The following FRAS1 variants were observed in gnomAD, a reference collection of about 807,000 sequenced individuals.
FRAS1 encodes extracellular matrix organizing protein FRAS1.
Under a neutral mutation model 435.2 loss-of-function variants are expected in FRAS1, and 290 were observed. The observed-to-expected ratio is 0.67, with a 90% CI of 0.61 to 0.73. FRAS1 has a LOEUF of 0.73. Among genes scored for constraint, FRAS1 ranks in the 30% least tolerant of loss-of-function variants. The pLI, the probability that FRAS1 is intolerant of heterozygous loss-of-function variation, is 0.00. For synonymous variants in FRAS1, 1,800 were observed against 1,851.0 expected (o/e 0.97, Z 0.71); for missense variants, 4,860 against 5,001.5 (o/e 0.97, Z 0.85).
chr4:78,510,050 A>C (rs746185791), intron 63 of FRAS1, among the ~76,000 whole-genome samples: 3 of 152,202 alleles, frequency 2.0e-5, no homozygotes, highest in Non-Finnish European at 4.4e-5. Context: ...GCTTATTCAG[A>C]AAGGCCTGAA....
At chr4:78,495,255 T>A (rs1486089634) in intron 59 of FRAS1, among the ~76,000 whole-genome samples, 2 of 150,368 alleles carry the variant, frequency 1.3e-5, no homozygotes, top group Non-Finnish European at 3.0e-5. Context: ...TAATAACATC[T>A]TTTCTTTTTC....
intron 64 of FRAS1, among the ~76,000 whole-genome samples, chr4:78,511,722 T>G (rs11729705): frequency 0.14 from 21,953 of 152,194 alleles, 1,901 homozygotes; most frequent in Non-Finnish European, 0.21. Flanking sequence ...TCACCGGCCA[T>G]TCCAACCACA....
intron 37 of FRAS1, among the ~76,000 whole-genome samples, 179 bp from the exon 38 acceptor site, chr4:78,432,178 T>C (rs1734241520): frequency 6.6e-6 from 1 of 152,186 alleles, no homozygotes; most frequent in South Asian, 2.1e-4. Flanking sequence ...AGAAACTAAT[T>C]ACCCTTTTTC....
intron 2 of FRAS1, among the ~76,000 whole-genome samples, chr4:78,222,663 C>T (rs1041523590): frequency 7.9e-5 from 12 of 152,122 alleles, no homozygotes; most frequent in Non-Finnish European, 1.6e-4. Flanking sequence ...CCATTTAAAC[C>T]ATCCATCCCA....
intron 53 of FRAS1, among the ~76,000 whole-genome samples, chr4:78,473,865 A>C (rs1719785663): frequency 6.6e-6 from 1 of 152,200 alleles, no homozygotes; most frequent in South Asian, 2.1e-4. Flanking sequence ...AAAGTAATAG[A>C]GACAGAAACT....
chr4:78,408,866 G>C lies in FRAS1; in HGVS notation c.4308+1025G>C, dbSNP rs535147906. On this transcript the variant is annotated intron_variant, in intron 31 of 73. Coordinates refer to ENST00000512123, the MANE Select transcript of FRAS1 (RefSeq NM_025074.7). ...AGGCTGGGCATAGTGGCTCACACTT[G>C]TAATCTCAACACCTCGGGAGGCCAA... Among the ~76,000 whole-genome samples, 23 of 152,210 alleles carry C rather than the reference G, an allele frequency of 1.5e-4. No individual in the cohort carries two copies. The East Asian group carries it at 4.2e-3, about 28-fold the overall frequency.
At chr4:78,135,139 A>G (rs950439461) in intron 2 of FRAS1, among the ~76,000 whole-genome samples, 1 of 152,212 alleles carries the variant, frequency 6.6e-6, no homozygotes, top group East Asian at 1.9e-4. Context: ...TTCCCCCTGC[A>G]CTTGCAAATT....
rs887460315 is a variant in FRAS1 at position 78,445,451 on chromosome 4, G to C, written c.5666-71G>C. The C allele has an allele frequency of 4.9e-6, 7 of 1,435,498 alleles. No individual in the cohort carries two copies. The African/African-American group carries it at 7.2e-5, about 15-fold the overall frequency. 88.9% of individuals were successfully genotyped at this position (1,435,498 alleles called of 1,614,324 possible). A position where few individuals can be genotyped will look rare whatever the true frequency, so the allele number is the denominator to read the frequency against. ...TTTTTTTTGCCGAAAATGATACCTT[G>C]TTTTCTAGTTCAGCCTAGTAAGCAG... is the stretch of plus-strand genomic sequence containing the variant. On this transcript the variant is annotated intron_variant, in intron 41 of 73. Coordinates refer to ENST00000512123, the MANE Select transcript of FRAS1 (RefSeq NM_025074.7).
chr4:78,264,793 T>C (rs557239822), intron 6 of FRAS1: 9 of 593,440 alleles, frequency 1.5e-5, no homozygotes, highest in South Asian at 1.2e-4. Context: ...TTTTCTTTGT[T>C]TTTAAAATAA....
intron 22 of FRAS1, among the ~76,000 whole-genome samples, chr4:78,368,487 A>G (rs1242813901): frequency 6.8e-6 from 1 of 146,056 alleles, no homozygotes; most frequent in African/African-American, 2.7e-5. Context: ...GTGCTTGTAT[A>G]TACCTTATGC....
At chr4:78,169,134 T>G (rs1721452327) in intron 2 of FRAS1, among the ~76,000 whole-genome samples, 1 of 152,112 alleles carries the variant, frequency 6.6e-6, no homozygotes, top group African/African-American at 2.4e-5. Context: ...TACAATTGAC[T>G]TGAGCCATTC....
chr4:78,143,128 TAAGTA>T (rs1215554239), intron 2 of FRAS1, among the ~76,000 whole-genome samples: 1 of 151,928 alleles, frequency 6.6e-6, no homozygotes, highest in Non-Finnish European at 1.5e-5. Flanking sequence ...ATATTAAAAA[TAAGTA>T]TTCAGAAATG....
At chr4:78,152,036 G>A (rs890582512) in intron 2 of FRAS1, among the ~76,000 whole-genome samples, 11 of 152,176 alleles carry the variant, frequency 7.2e-5, no homozygotes, top group Non-Finnish European at 1.3e-4. Context: ...GTCAACTACT[G>A]TTCTGAACCA....
intron 62 of FRAS1, 89 bp from the exon 63 acceptor site, chr4:78,508,642 A>T (rs1474143502): frequency 3.0e-6 from 4 of 1,354,452 alleles, no homozygotes; most frequent in Admixed American, 2.3e-5. Context: ...AGACACTAAG[A>T]GATCTTGTGG....
At chr4:78,117,056 T>G (rs983458675) in intron 2 of FRAS1, among the ~76,000 whole-genome samples, 1 of 152,214 alleles carries the variant, frequency 6.6e-6, no homozygotes, top group African/African-American at 2.4e-5. Flanking sequence ...CATTTGTTTG[T>G]CTCTAAAGGA....
At chr4:78,209,254 A>G (rs945191269) in intron 2 of FRAS1, among the ~76,000 whole-genome samples, 7 of 152,166 alleles carry the variant, frequency 4.6e-5, no homozygotes, top group African/African-American at 1.4e-4. Context: ...CCCATTATAT[A>G]TGTACGTCCA....
At chr4:78,072,116 T>G (rs542371293) in intron 2 of FRAS1, 2 of 152,188 alleles carry the variant, frequency 1.3e-5, no homozygotes, top group Admixed American at 1.3e-4. Context: ...TTACAGTTAA[T>G]TGTACATATT....
At chr4:78,089,168 C>G (rs1186651188) in intron 2 of FRAS1, among the ~76,000 whole-genome samples, 3 of 151,370 alleles carry the variant, frequency 2.0e-5, no homozygotes, top group Non-Finnish European at 4.4e-5. Flanking sequence ...TCTCAGCAAA[C>G]TATCGCAAGG....
At chr4:78,317,610 G>T in intron 17 of FRAS1, 102 bp downstream of exon 17, 3 of 1,129,834 alleles carry the variant, frequency 2.7e-6, no homozygotes, top group Non-Finnish European at 3.7e-6. Context: ...TTCTTCTAGT[G>T]TATCTTTTAT....
Sources: gnomAD v4.1 joint callset for allele counts (sites outside exome capture counted in the v4.1 genomes callset) on GRCh38, gnomAD v4.1.1 for gene constraint, MANE v1.5 for transcripts, NCBI Gene and HGNC (gene_info 2026-07-23, HGNC 2026-07-21) for gene names.